NRBP1: variants seen among roughly 807,000 people sequenced by gnomAD.
The protein encoded by NRBP1 is nuclear receptor binding protein 1.
In NRBP1, 10 loss-of-function variants were observed where a neutral mutation model predicts 76.0. The observed-to-expected ratio is 0.13, with a 90% CI of 0.08 to 0.22. NRBP1 has a LOEUF of 0.22. Among genes scored for constraint, NRBP1 ranks in the 10% least tolerant of loss-of-function variants. The pLI is 1.00. For missense variants in NRBP1, 344 were observed against 646.0 expected, an observed-to-expected ratio of 0.53 and a Z score of 5.07; for synonymous variants, 235 against 240.2, an observed-to-expected ratio of 0.98 and a Z score of 0.20.
intron 7 of NRBP1, 45 bp from the exon 8 acceptor site, chr2:27,436,708 C>T (rs750310049): frequency 2.6e-6 from 4 of 1,550,194 alleles, no homozygotes; most frequent in South Asian, 1.1e-5. Flanking sequence ...TGAGACTATT[C>T]TTCATTGATG....
intron 7 of NRBP1, 50 bp from the exon 8 acceptor site, chr2:27,436,703 C>A: frequency 6.6e-7 from 1 of 1,526,572 alleles, no homozygotes; most frequent in Non-Finnish European, 9.1e-7. Context: ...TGGAGTGAGA[C>A]TATTCTTCAT....
rs954349168 is a variant in NRBP1, at chr2:27,428,695, G to T, written c.-57G>T. On this transcript the variant is annotated 5_prime_UTR_variant, in exon 1 of 18. Transcript: ENST00000379852. ...ATCCGGGGCCCCGGAACCCGAGCTG[G>T]AGCTGAAGCGCAGGCTGCGGGGCGC... is the stretch of plus-strand genomic sequence containing the variant. 3 of 398,154 alleles carry T rather than the reference G, an allele frequency of 7.5e-6. No homozygotes were observed. The highest frequency in any genetic ancestry group is 4.1e-5 in the African/African-American group (2 of 48,614). 24.7% of individuals were successfully genotyped at this position (398,154 alleles called of 1,614,324 possible). A position where few individuals can be genotyped will look rare whatever the true frequency, so the allele number is the denominator to read the frequency against.
chr2:27,434,326 T>A, intron 4 of NRBP1, 145 bp from the exon 5 acceptor site: 1 of 750,016 alleles, frequency 1.3e-6, no homozygotes, highest in African/African-American at 1.7e-5. Flanking sequence ...TCATTGCTTG[T>A]TTTCATTGCC....
chr2:27,434,099 T>G lies in NRBP1; in HGVS notation c.435+9T>G. On this transcript the variant is annotated intron_variant, in intron 4 of 17. Coordinates refer to ENST00000379852, the MANE Select transcript of NRBP1 (RefSeq NM_013392.4). ...AAGAGAACAAGGCCAGGGTAAGAAT[T>G]TTTTCCCCATATTTCCTGAACTTAT... 6.3e-7 allele frequency: 1 copy of G among 1,597,388 alleles called. No individual in the cohort carries two copies. The highest frequency in any genetic ancestry group is 8.6e-7 in the Non-Finnish European group (1 of 1,165,956).
At chr2:27,436,601 A>G in intron 7 of NRBP1, 152 bp from the exon 8 acceptor site, 1 of 641,772 alleles carries the variant, frequency 1.6e-6, no homozygotes, top group Non-Finnish European at 2.8e-6. Flanking sequence ...TGTGGTCTGT[A>G]GTTCAGGACA....
In NRBP1 at chr2:27,437,325, A is replaced by C; in HGVS notation, c.868A>C (p.Ser290Arg). ...SSYVPQEAIS[S>R]AIQLLEDPLQ... ...ATATGTGCCACAGGAAGCCATCAGC[A>C]GTGCCATCCAGCTTCTAGAAGACCC... Residue 290 changes from serine (S) to arginine (R), a missense_variant, in exon 10 of 18, where the codon AGT becomes CGT. Physicochemically the swap from Ser to Arg is moderately radical, Grantham distance 110 (BLOSUM62 -1). Around this residue, in one of 3 missense-constraint regions of NRBP1, gnomAD observed 218 missense variants for 309.8 expected, o/e 0.70. Transcript: ENST00000379852. The C allele has an allele frequency of 6.2e-7, 1 of 1,613,892 alleles. No homozygotes were observed. The highest frequency in any genetic ancestry group is 8.5e-7 in the Non-Finnish European group (1 of 1,179,848).
intron 17 of NRBP1, 26 bp downstream of exon 17, chr2:27,441,648 T>G: frequency 6.2e-7 from 1 of 1,613,884 alleles, no homozygotes; most frequent in Non-Finnish European, 8.5e-7. Context: ...TCATCTGCCC[T>G]GGCTGCCCCC....
intron 7 of NRBP1, chr2:27,435,764 C>T (rs938752308): frequency 2.4e-5 from 17 of 717,442 alleles, no homozygotes; most frequent in Non-Finnish European, 3.9e-5. Flanking sequence ...CTCCCTCTGC[C>T]CCACTTGGGG....
rs371237665 is a variant in NRBP1 at position 27,439,803 on chromosome 2, G to A, written c.941G>A (p.Arg314His). Reference sequence around the variant, plus strand: ...AAGTGCCTGCAGTCTGAGCCTGCTCGCAGACCAACAGCCAGAGAACTTCTG... The same window carrying A: ...AAGTGCCTGCAGTCTGAGCCTGCTCACAGACCAACAGCCAGAGAACTTCTG... The part of the protein sequence containing the change: ...IQKCLQSEPA[R>H]RPTARELLFH... Residue 314 changes from arginine to histidine, a missense_variant, in exon 11 of 18, where the codon CGC becomes CAC. By Grantham distance (29) the Arg-to-His change is conservative. This residue lies in a region of NRBP1 where 218 missense variants were observed against 309.8 expected (regional missense o/e 0.70). Coordinates refer to ENST00000379852, the MANE Select transcript of NRBP1 (RefSeq NM_013392.4). The A allele has an allele frequency of 2.5e-5, 40 of 1,613,980 alleles. No individual in the cohort carries two copies. In the African/African-American group the frequency reaches 3.7e-4, roughly 15 times the overall value.
intron 7 of NRBP1, chr2:27,435,777 CTGTT>C (rs765572181): frequency 2.1e-5 from 15 of 717,592 alleles, no homozygotes; most frequent in Middle Eastern, 2.3e-4. Flanking sequence ...ACTTGGGGCT[CTGTT>C]TGTGCTCCCT....
At chr2:27,440,583 C>G in intron 12 of NRBP1, 69 bp from the exon 13 acceptor site, 1 of 1,606,126 alleles carries the variant, frequency 6.2e-7, no homozygotes, top group Non-Finnish European at 8.5e-7. Flanking sequence ...TGTCCATTCT[C>G]TGGGAATGCT....
chr2:27,442,119 C>G lies in NRBP1; in HGVS notation c.*307C>G, dbSNP rs1401603040. On this transcript the variant is annotated 3_prime_UTR_variant, in exon 18 of 18. Transcript: ENST00000379852. Reference sequence around the variant, plus strand: ...CCAGCCTGTGTGGAAAGGAGGCCCACGGGCACTAGGGGAGCCGAATTCTAC... The same window carrying G: ...CCAGCCTGTGTGGAAAGGAGGCCCAGGGGCACTAGGGGAGCCGAATTCTAC... 1 of 529,252 alleles carries G rather than the reference C, an allele frequency of 1.9e-6. No homozygotes were observed. 32.8% of individuals were successfully genotyped at this position (529,252 alleles called of 1,614,324 possible).
At chr2:27,441,054 G>A in intron 14 of NRBP1, 73 bp from the exon 15 acceptor site, 1 of 1,608,526 alleles carries the variant, frequency 6.2e-7, no homozygotes, top group Non-Finnish European at 8.5e-7. Context: ...CATGCCCTAT[G>A]GGCTCGAAAG....
chr2:27,437,379 A>AC lies in NRBP1; in HGVS notation c.903+20dup. 1 of 1,567,686 alleles carries AC rather than the reference A, an allele frequency of 6.4e-7. No homozygotes were observed. Among genetic ancestry groups the AC allele is most frequent in the Non-Finnish European group, 8.8e-7 (1 of 1,138,812 alleles). ...ACAGAGGGTAAGGATCTTCAGGATC[A>AC]CTCCCTCCTCAACTGACCTTCAAAT... On this transcript the variant is annotated intron_variant, in intron 10 of 17. Coordinates refer to ENST00000379852, the MANE Select transcript of NRBP1 (RefSeq NM_013392.4).
At chr2:27,439,590 A>T (rs2148453162) in intron 10 of NRBP1, among the ~76,000 whole-genome samples, 176 bp from the exon 11 acceptor site, 1 of 152,272 alleles carries the variant, frequency 6.6e-6, no homozygotes, top group South Asian at 2.1e-4. Context: ...TCTTTCATAT[A>T]ATATCTTACA....
At chr2:27,437,464 A>G (rs2148450858) in intron 10 of NRBP1, 104 bp downstream of exon 10, 1 of 823,608 alleles carries the variant, frequency 1.2e-6, no homozygotes, top group Admixed American at 2.6e-5. Flanking sequence ...GCTAGGGAAC[A>G]TAACAGAAAG....
intron 11 of NRBP1, 121 bp from the exon 12 acceptor site, chr2:27,440,280 ATT>A: frequency 2.8e-6 from 2 of 723,582 alleles, no homozygotes; most frequent in Non-Finnish European, 4.9e-6. Flanking sequence ...AAGTGCTGGG[ATT>A]ACAGGCATGA....
intron 11 of NRBP1, 93 bp downstream of exon 11, chr2:27,439,991 GATTCTTTTTTTTTTTTT>G: frequency 2.0e-5 from 7 of 356,798 alleles, no homozygotes; most frequent in African/African-American, 1.7e-4. Flanking sequence ...TTTCCAAAGG[GATTCTTTTTTTTTTTTT>G]TTTTTTTTTT....
rs2148450738 is a variant in NRBP1 at position 27,437,363 on chromosome 2, A to G, written c.903+3A>G. 6.2e-7 allele frequency: 1 copy of G among 1,607,566 alleles called. No homozygotes were observed. The highest frequency in any genetic ancestry group is 2.2e-5 in the East Asian group (1 of 44,860). On this transcript the variant is annotated splice_donor_region_variant and intron_variant, in intron 10 of 17. Transcript: ENST00000379852. The stretch of plus-strand genomic sequence containing the variant: ...TTCTAGAAGACCCATTACAGAGGGT[A>G]AGGATCTTCAGGATCACTCCCTCCT...
Sources: gnomAD v4.1 joint callset for allele counts (sites outside exome capture counted in the v4.1 genomes callset) on GRCh38, gnomAD v4.1.1 for gene constraint, gnomAD v4.1.1 regional missense constraint, MANE v1.5 for transcripts, NCBI Gene and HGNC (gene_info 2026-07-23, HGNC 2026-07-21) for gene names.